Variants in CCDC146 observed in about 807,000 individuals in gnomAD.
CCDC146 encodes coiled-coil domain-containing protein 146.
A neutral mutation model predicts 119.3 loss-of-function variants in CCDC146; 92 were observed. The observed-to-expected ratio is 0.77, with a 90% CI of 0.65 to 0.92. CCDC146 has a LOEUF of 0.92. Among genes scored for constraint, CCDC146 ranks in the 40% least tolerant of loss-of-function variants. CCDC146 has a pLI of 0.00. For synonymous variants in CCDC146, 372 were observed against 371.8 expected, an observed-to-expected ratio of 1.00 and a Z score of -0.01; for missense variants, 1,000 against 1,103.0, an observed-to-expected ratio of 0.91 and a Z score of 1.32.
intron 1 of CCDC146, among the ~76,000 whole-genome samples, chr7:77,129,885 A>C (rs1422451766): frequency 6.6e-6 from 1 of 152,100 alleles, no homozygotes; most frequent in Non-Finnish European, 1.5e-5. Flanking sequence ...CTGTTAAATC[A>C]GACACCTGCC....
At chr7:77,277,635 T>A in intron 11 of CCDC146, among the ~76,000 whole-genome samples, 1 of 152,098 alleles carries the variant, frequency 6.6e-6, no homozygotes, top group South Asian at 2.1e-4. Context: ...ACAGAATAGA[T>A]GACACTACAT....
rs1793787004 is a variant in CCDC146, at chr7:77,282,786, G to A, written c.2148+1G>A. The A allele has an allele frequency of 1.2e-6, 2 of 1,606,528 alleles. No individual in the cohort carries two copies. Among genetic ancestry groups the A allele is most frequent in the Non-Finnish European group, 1.7e-6 (2 of 1,173,348 alleles). On this transcript the variant is annotated splice_donor_variant, in intron 15 of 18. Coordinates refer to ENST00000285871, the MANE Select transcript of CCDC146 (RefSeq NM_020879.3). LOFTEE classifies it high-confidence loss of function. ...CGACCTAGCTGTGCTCCAAATTCAG[G>A]TGGGTGAGTGATCACGGGACACTTC...
intron 9 of CCDC146, among the ~76,000 whole-genome samples, chr7:77,270,889 A>G (rs1793496773): frequency 6.6e-6 from 1 of 152,176 alleles, no homozygotes; most frequent in Admixed American, 6.5e-5. Flanking sequence ...CAAAAGACAT[A>G]AATGATTGCT....
At chr7:77,289,305 T>C (rs551067547) in intron 17 of CCDC146, among the ~76,000 whole-genome samples, 1 of 152,332 alleles carries the variant, frequency 6.6e-6, no homozygotes, top group African/African-American at 2.4e-5. Flanking sequence ...TAAAGAAATG[T>C]ACATAGCGGC....
At chr7:77,220,397 A>G (rs533982868) in intron 2 of CCDC146, among the ~76,000 whole-genome samples, 1 of 152,258 alleles carries the variant, frequency 6.6e-6, no homozygotes, top group East Asian at 1.9e-4. Context: ...TCAAACACAC[A>G]TGTTTTACAA....
intron 2 of CCDC146, among the ~76,000 whole-genome samples, chr7:77,193,133 G>A (rs900747427): frequency 2.0e-4 from 30 of 152,244 alleles, no homozygotes; most frequent in African/African-American, 6.3e-4. Context: ...AACCAGAGCA[G>A]CAACACTAAT....
At chr7:77,273,437 A>G (rs1011923386) in intron 9 of CCDC146, among the ~76,000 whole-genome samples, 3 of 152,230 alleles carry the variant, frequency 2.0e-5, no homozygotes, top group Non-Finnish European at 4.4e-5. Flanking sequence ...AGTTCTTATA[A>G]GATTGAGATT....
At chr7:77,150,257 A>G (rs1320834056) in intron 1 of CCDC146, among the ~76,000 whole-genome samples, 2 of 152,072 alleles carry the variant, frequency 1.3e-5, no homozygotes, top group Non-Finnish European at 2.9e-5. Context: ...GACACTGCTA[A>G]GAAAATGAAA....
intron 2 of CCDC146, among the ~76,000 whole-genome samples, chr7:77,183,651 C>T (rs559235619): frequency 2.0e-5 from 3 of 152,222 alleles, no homozygotes; most frequent in South Asian, 4.1e-4. Flanking sequence ...GCTGAGATCT[C>T]GTCTTTTCTC....
chr7:77,251,322 G>C (rs1453586335), intron 4 of CCDC146, among the ~76,000 whole-genome samples: 1 of 151,848 alleles, frequency 6.6e-6, no homozygotes, highest in African/African-American at 2.4e-5. Flanking sequence ...ATGCCTGGCT[G>C]AGTATTTCTT....
intron 2 of CCDC146, among the ~76,000 whole-genome samples, chr7:77,229,039 C>T (rs1372870535): frequency 6.6e-6 from 1 of 152,178 alleles, no homozygotes; most frequent in African/African-American, 2.4e-5. Context: ...GATGGTGTCT[C>T]ATTGTGGTTT....
intron 6 of CCDC146, 59 bp from the exon 7 acceptor site, chr7:77,258,936 G>A (rs1417382517): frequency 1.2e-5 from 13 of 1,113,086 alleles, no homozygotes; most frequent in Non-Finnish European, 1.6e-5. Flanking sequence ...TAATTTTCTT[G>A]TCTTAATTGC....
intron 2 of CCDC146, among the ~76,000 whole-genome samples, chr7:77,172,371 A>G (rs1791435936): frequency 6.6e-6 from 1 of 152,260 alleles, no homozygotes; most frequent in Non-Finnish European, 1.5e-5. Flanking sequence ...CTGTATCTGC[A>G]AAAATGGCAA....
chr7:77,289,972 G>C (rs1243878947), intron 17 of CCDC146, among the ~76,000 whole-genome samples: 1 of 152,150 alleles, frequency 6.6e-6, no homozygotes, highest in African/African-American at 2.4e-5. Context: ...ATTCACAATA[G>C]CAAAGACTTG....
At chr7:77,199,980 A>C in intron 2 of CCDC146, 1 of 573,038 alleles carries the variant, frequency 1.7e-6, no homozygotes, top group Non-Finnish European at 3.0e-6. Context: ...ACTGTAACTT[A>C]CTCTCAATAG....
chr7:77,167,278 G>A (rs536286070), intron 1 of CCDC146, among the ~76,000 whole-genome samples: 63 of 152,178 alleles, frequency 4.1e-4, no homozygotes, highest in African/African-American at 1.5e-3. Flanking sequence ...GTATCAGAAA[G>A]CACACTTTGC....
At chr7:77,217,258 C>T (rs1040267970) in intron 2 of CCDC146, among the ~76,000 whole-genome samples, 8 of 151,814 alleles carry the variant, frequency 5.3e-5, no homozygotes, top group African/African-American at 1.7e-4. Context: ...AGGAATAAGA[C>T]ATTCCAAAAA....
intron 2 of CCDC146, chr7:77,194,417 T>C (rs547985031): frequency 1.3e-5 from 2 of 152,232 alleles, no homozygotes; most frequent in East Asian, 3.9e-4. Flanking sequence ...ACACAGCTTT[T>C]GAAATCTACA....
At position 77,160,275 on chromosome 7, in the gene CCDC146, C is replaced by G. The variant is rs996898203; in HGVS notation, c.-11-7383C>G. The stretch of plus-strand genomic sequence containing the variant: ...GGGCTCTTTTTTGGTTCCATATGAA[C>G]TTTAAAGTAGTTTTTTCCAATTCTG... On this transcript the variant is annotated intron_variant, in intron 1 of 18. Coordinates refer to ENST00000285871, the MANE Select transcript of CCDC146 (RefSeq NM_020879.3). Among the ~76,000 whole-genome samples the G allele has an allele frequency of 4.9e-3, 752 of 152,154 alleles. 9 individuals carry two copies. Among genetic ancestry groups the G allele is most frequent in the African/African-American group, 0.018 (728 of 41,508 alleles).
Sources: allele counts gnomAD v4.1 joint callset (sites outside exome capture counted in the v4.1 genomes callset), GRCh38; gene constraint gnomAD v4.1.1; transcripts MANE v1.5; gene names NCBI Gene and HGNC (gene_info 2026-07-23, HGNC 2026-07-21).